Variants in SGCZ observed in about 807,000 individuals in gnomAD.
The protein encoded by SGCZ is sarcoglycan zeta.
SGCZ carries 40 observed loss-of-function variants against 41.3 expected under a neutral mutation model. The observed-to-expected ratio is 0.97, with a 90% CI of 0.75 to 1.26. The LOEUF (loss-of-function observed/expected upper bound fraction) is 1.26. Ranked by LOEUF, SGCZ falls within the 50% of genes most tolerant of loss-of-function variation. The pLI, the probability that SGCZ is intolerant of heterozygous loss-of-function variation, is 0.00. For synonymous variants in SGCZ, 206 were observed against 137.5 expected (o/e 1.50, Z -3.49); for missense variants, 552 against 369.8 (o/e 1.49, Z -4.04).
intron 2 of SGCZ, among the ~76,000 whole-genome samples, chr8:14,512,207 G>C (rs1378262340): frequency 6.6e-6 from 1 of 152,070 alleles, no homozygotes; most frequent in Admixed American, 6.6e-5. Context: ...CCTGATGGTG[G>C]GCCTTAAAAG....
In SGCZ at chr8:14,088,222, T is replaced by C. The variant is rs1801581745; in HGVS notation, c.*2221A>G. On this transcript the variant is annotated 3_prime_UTR_variant, in exon 8 of 8. Coordinates refer to ENST00000382080, the MANE Select transcript of SGCZ (RefSeq NM_139167.4). ...AAGGAACCCCAAGAGACTATTTTAT[T>C]CAATACTTTTGCTGTGAAGTTGAGT... Among the ~76,000 whole-genome samples the C allele has an allele frequency of 1.3e-5, 2 of 151,846 alleles. No homozygotes were observed. The highest frequency in any genetic ancestry group is 1.3e-4 in the Admixed American group (2 of 15,216).
intron 1 of SGCZ, among the ~76,000 whole-genome samples, chr8:14,595,919 C>A (rs946623918): frequency 6.6e-6 from 1 of 152,038 alleles, no homozygotes; most frequent in Non-Finnish European, 1.5e-5. Context: ...GTTAGGTTGT[C>A]CAATGTGTTG....
intron 1 of SGCZ, among the ~76,000 whole-genome samples, chr8:14,720,266 C>T (rs879873000): frequency 1.3e-5 from 2 of 151,442 alleles, no homozygotes; most frequent in Non-Finnish European, 3.0e-5. Flanking sequence ...ACGATGCCCA[C>T]TGAAAAATTC....
intron 4 of SGCZ, among the ~76,000 whole-genome samples, chr8:14,193,386 TGA>T (rs1805167083): frequency 6.6e-6 from 1 of 151,470 alleles, no homozygotes; most frequent in South Asian, 2.1e-4. Context: ...GTTGAATGAG[TGA>T]GAGAATATAT....
intron 2 of SGCZ, among the ~76,000 whole-genome samples, chr8:14,385,944 A>G (rs887576462): frequency 7.2e-5 from 11 of 152,166 alleles, no homozygotes; most frequent in Admixed American, 2.6e-4. Flanking sequence ...CCTATACTTT[A>G]AATCATCTCT....
At chr8:14,147,645 G>C (rs1442684786) in intron 5 of SGCZ, among the ~76,000 whole-genome samples, 1 of 151,988 alleles carries the variant, frequency 6.6e-6, no homozygotes, top group African/African-American at 2.4e-5. Flanking sequence ...TTCAGCATTG[G>C]ACCTATCCTC....
intron 1 of SGCZ, among the ~76,000 whole-genome samples, chr8:14,958,114 C>A (rs1190961490): frequency 6.6e-6 from 1 of 151,894 alleles, no homozygotes; most frequent in Admixed American, 6.6e-5. Flanking sequence ...TGGGTAGAAC[C>A]AGTAGGGGTC....
chr8:14,710,334 C>T (rs1204970577), intron 1 of SGCZ, among the ~76,000 whole-genome samples: 1 of 141,452 alleles, frequency 7.1e-6, no homozygotes, highest in Non-Finnish European at 1.5e-5. Context: ...CGCGCCACTG[C>T]ACTCCAGCCT....
intron 4 of SGCZ, among the ~76,000 whole-genome samples, chr8:14,210,507 G>A (rs1805768772): frequency 6.6e-6 from 1 of 150,580 alleles, no homozygotes; most frequent in Admixed American, 6.6e-5. Flanking sequence ...TTGTTGCCCA[G>A]ACTGGAGTGC....
intron 5 of SGCZ, among the ~76,000 whole-genome samples, chr8:14,161,582 G>A (rs1387363262): frequency 6.6e-6 from 1 of 152,054 alleles, no homozygotes; most frequent in African/African-American, 2.4e-5. Flanking sequence ...TGTTTGCTAT[G>A]GGCAATCTCA....
chr8:14,410,086 G>T (rs1403202407), intron 2 of SGCZ, among the ~76,000 whole-genome samples: 1 of 152,076 alleles, frequency 6.6e-6, no homozygotes, highest in Non-Finnish European at 1.5e-5. Context: ...ACCAGGGGTG[G>T]CGTTAGATTC....
chr8:14,544,248 T>C (rs748390431), intron 2 of SGCZ, among the ~76,000 whole-genome samples: 4 of 152,166 alleles, frequency 2.6e-5, no homozygotes, highest in Non-Finnish European at 5.9e-5. Flanking sequence ...AATCTTGTTA[T>C]CTTCATAAGC....
At chr8:15,043,044 T>C (rs749363313) in intron 1 of SGCZ, among the ~76,000 whole-genome samples, 11 of 152,166 alleles carry the variant, frequency 7.2e-5, no homozygotes, top group African/African-American at 1.4e-4. Flanking sequence ...CTTTAACCCA[T>C]GGAGCACCAC....
At chr8:14,281,432 T>A (rs1187426733) in intron 3 of SGCZ, among the ~76,000 whole-genome samples, 3 of 149,082 alleles carry the variant, frequency 2.0e-5, no homozygotes, top group African/African-American at 7.3e-5. Flanking sequence ...AATATTTGTA[T>A]CCACTAAGGT....
At chr8:14,261,073 T>C (rs956461036) in intron 3 of SGCZ, among the ~76,000 whole-genome samples, 4 of 151,408 alleles carry the variant, frequency 2.6e-5, no homozygotes, top group Non-Finnish European at 5.9e-5. Flanking sequence ...AATGTGCACA[T>C]GTACCCTAAA....
chr8:15,112,734 C>G (rs4351419), intron 1 of SGCZ, among the ~76,000 whole-genome samples: 9,234 of 152,152 alleles, frequency 0.061, 285 homozygotes, highest in Middle Eastern at 0.12. Flanking sequence ...CTCAGCTAAC[C>G]GCTAGCACCA....
At chr8:14,321,479 C>T (rs1407934614) in intron 3 of SGCZ, among the ~76,000 whole-genome samples, 1 of 152,004 alleles carries the variant, frequency 6.6e-6, no homozygotes, top group Non-Finnish European at 1.5e-5. Flanking sequence ...ACTGCATCTT[C>T]TGTTCAATAG....
At chr8:15,002,435 C>G (rs1162865488) in intron 1 of SGCZ, among the ~76,000 whole-genome samples, 1 of 152,048 alleles carries the variant, frequency 6.6e-6, no homozygotes, top group Non-Finnish European at 1.5e-5. Context: ...GCTTCTTAAT[C>G]CTATATAAAG....
intron 4 of SGCZ, among the ~76,000 whole-genome samples, chr8:14,195,241 A>T (rs1291459245): frequency 6.6e-6 from 1 of 152,132 alleles, no homozygotes; most frequent in East Asian, 1.9e-4. Context: ...GACATGTATT[A>T]AAAAGACCCA....
Sources: allele counts gnomAD v4.1 joint callset (sites outside exome capture counted in the v4.1 genomes callset), GRCh38; gene constraint gnomAD v4.1.1; transcripts MANE v1.5; gene names NCBI Gene and HGNC (gene_info 2026-07-23, HGNC 2026-07-21).